MTAP: variants seen among roughly 807,000 people sequenced by gnomAD.
The protein encoded by MTAP is methylthioadenosine phosphorylase.
Under a neutral mutation model 33.6 loss-of-function variants are expected in MTAP, and 33 were observed. The observed-to-expected ratio is 0.98, with a 90% confidence interval of 0.74 to 1.31. MTAP has a LOEUF of 1.31. Ranked by LOEUF, MTAP falls within the 40% of genes most tolerant of loss-of-function variation. The probability of loss-of-function intolerance (pLI) is 0.00; values close to 1 mark genes in which losing one functional copy is unlikely to be tolerated. For missense variants in MTAP, 367 were observed against 360.0 expected (o/e 1.02, Z -0.16); for synonymous variants, 148 against 125.7 (o/e 1.18, Z -1.19).
At chr9:21,927,149 G>T (rs1486606545) in intron 1 of MTAP, among the ~76,000 whole-genome samples, 1 of 152,166 alleles carries the variant, frequency 6.6e-6, no homozygotes, top group African/African-American at 2.4e-5. Flanking sequence ...AACCGTTTCA[G>T]CTTTTCATCA....
intron 1 of MTAP, among the ~76,000 whole-genome samples, chr9:21,911,657 A>G (rs1213309919): frequency 6.6e-6 from 1 of 152,216 alleles, no homozygotes; most frequent in Non-Finnish European, 1.5e-5. Context: ...TATAGCGCTG[A>G]ATGCCCACAA....
At chr9:21,895,345 GA>G (rs1330934324) in intron 1 of MTAP, among the ~76,000 whole-genome samples, 1 of 152,126 alleles carries the variant, frequency 6.6e-6, no homozygotes, top group African/African-American at 2.4e-5. Flanking sequence ...CTGCTATAAA[GA>G]ACTGCCCCAA....
At position 21,862,133 on chromosome 9, in the gene MTAP, A is replaced by G. The variant is rs1039301225; in HGVS notation, c.*119A>G. 6 of 1,571,158 alleles carry G rather than the reference A, an allele frequency of 3.8e-6. No individual in the cohort carries two copies. The highest frequency in any genetic ancestry group is 5.2e-6 in the Non-Finnish European group (6 of 1,161,100). On this transcript the variant is annotated 3_prime_UTR_variant, in exon 8 of 8. Coordinates refer to ENST00000644715, the MANE Select transcript of MTAP (RefSeq NM_002451.4). ...CAGCTTTCATGCCCTTGCCTATCAA[A>G]GAGTATGTTGTAAGAAAGACAAGAC...
intron 1 of MTAP, chr9:21,929,893 T>C (rs1007409442): frequency 2.8e-6 from 1 of 353,968 alleles, no homozygotes; most frequent in Non-Finnish European, 5.6e-6. Flanking sequence ...TAGCTTGTAA[T>C]GTTACTCTCT....
At chr9:21,910,207 G>T (rs1000377516) in intron 1 of MTAP, among the ~76,000 whole-genome samples, 14 of 151,906 alleles carry the variant, frequency 9.2e-5, no homozygotes, top group African/African-American at 3.1e-4. Flanking sequence ...CTTACAATGG[G>T]CCAGGCATTG....
intron 7 of MTAP, 158 bp from the exon 8 acceptor site, chr9:21,861,818 G>C: frequency 3.2e-6 from 2 of 633,756 alleles, no homozygotes; most frequent in Non-Finnish European, 5.7e-6. Context: ...TCCACATCTG[G>C]TTAGTGAACT....
downstream of MTAP, chr9:21,935,831 T>C (rs1819033441): frequency 6.6e-6 from 1 of 152,166 alleles, no homozygotes; most frequent in African/African-American, 2.4e-5. Flanking sequence ...GCCAAGTTGA[T>C]TGGCAACACA....
chr9:21,860,416 T>G (rs1042330103), intron 7 of MTAP: 3 of 152,218 alleles, frequency 2.0e-5, no homozygotes, highest in African/African-American at 7.2e-5. Context: ...AAGGTGTCTC[T>G]CAGCAGTTAG....
downstream of MTAP, among the ~76,000 whole-genome samples, chr9:21,869,244 C>T (rs1825899504): frequency 6.6e-6 from 1 of 152,096 alleles, no homozygotes; most frequent in South Asian, 2.1e-4. Context: ...TTTCCTTAGT[C>T]CTCTTCATTT....
chr9:21,826,250 G>T (rs1353381612), intron 4 of MTAP, among the ~76,000 whole-genome samples: 3 of 149,610 alleles, frequency 2.0e-5, no homozygotes, highest in South Asian at 2.1e-4. Context: ...TATCTAGGAA[G>T]TTCTCTCTAT....
At chr9:21,839,893 C>CA (rs1275346903) in intron 5 of MTAP, among the ~76,000 whole-genome samples, 1 of 151,812 alleles carries the variant, frequency 6.6e-6, no homozygotes, top group Non-Finnish European at 1.5e-5. Context: ...GGAAAGTTAA[C>CA]AAAAAAAGCT....
chr9:21,840,825 G>T (rs990524169), intron 5 of MTAP, among the ~76,000 whole-genome samples: 4 of 152,204 alleles, frequency 2.6e-5, no homozygotes, highest in African/African-American at 7.2e-5. Flanking sequence ...GGAGTGGGCA[G>T]GTGGGAAGGG....
intron 4 of MTAP, among the ~76,000 whole-genome samples, chr9:21,825,896 T>C (rs901398890): frequency 6.6e-6 from 1 of 152,198 alleles, no homozygotes; most frequent in Non-Finnish European, 1.5e-5. Flanking sequence ...TGATTAGTGA[T>C]GTTGAGCATT....
intron 1 of MTAP, among the ~76,000 whole-genome samples, chr9:21,897,704 A>G (rs1483245494): frequency 2.6e-5 from 4 of 152,240 alleles, no homozygotes; most frequent in African/African-American, 9.6e-5. Flanking sequence ...AAGAAGAACT[A>G]GAAACCACTG....
At chr9:21,847,495 T>C (rs1382867208) in intron 5 of MTAP, among the ~76,000 whole-genome samples, 1 of 152,188 alleles carries the variant, frequency 6.6e-6, no homozygotes, top group Admixed American at 6.5e-5. Context: ...TTGAACTGTT[T>C]AGAGAGTTAT....
At chr9:21,914,730 A>G (rs1286252161) in intron 1 of MTAP, among the ~76,000 whole-genome samples, 1 of 151,952 alleles carries the variant, frequency 6.6e-6, no homozygotes, top group Non-Finnish European at 1.5e-5. Flanking sequence ...ATGTACACAT[A>G]TGTAACAAAC....
At chr9:21,804,740 A>G (rs1311126267) in intron 1 of MTAP, among the ~76,000 whole-genome samples, 5 of 152,210 alleles carry the variant, frequency 3.3e-5, no homozygotes, top group African/African-American at 1.2e-4. Context: ...TGTTCCTTCA[A>G]GACCATCCAT....
intron 2 of MTAP, among the ~76,000 whole-genome samples, chr9:21,816,452 G>A (rs977594164): frequency 6.6e-6 from 1 of 152,092 alleles, no homozygotes; most frequent in African/African-American, 2.4e-5. Context: ...AGAGTTCCCT[G>A]GGGTACTCGT....
Position 21,900,562 on chromosome 9 carries a change from T to C in MTAP, c.148-30446T>C, listed in dbSNP as rs576374853. ...GGAAAATGGGACACTAATACACTGC[T>C]GGTGGGAATGTAAATTAGTTCAGCC... is the stretch of plus-strand genomic sequence containing the variant. On this transcript the variant is annotated intron_variant, in intron 1 of 1. Transcript: ENST00000577563. Among the ~76,000 whole-genome samples the C allele has an allele frequency of 1.3e-3, 195 of 152,344 alleles. 1 individual carries two copies. Among genetic ancestry groups the C allele is most frequent in the African/African-American group, 4.4e-3 (181 of 41,586 alleles).
Sources: gnomAD v4.1 joint callset for allele counts (sites outside exome capture counted in the v4.1 genomes callset) on GRCh38, gnomAD v4.1.1 for gene constraint, MANE v1.5 for transcripts, NCBI Gene and HGNC (gene_info 2026-07-23, HGNC 2026-07-21) for gene names.